The following ADGRL2 variants were observed in gnomAD, a reference collection of about 807,000 sequenced individuals.
ADGRL2 encodes the protein adhesion G protein-coupled receptor L2, also known as calcium-independent alpha-latrotoxin receptor 2.
ADGRL2 carries 44 observed loss-of-function variants against 157.4 expected under a neutral mutation model. The ratio of observed to expected loss-of-function variants is 0.28; its 90% CI spans 0.22 to 0.36. The LOEUF (loss-of-function observed/expected upper bound fraction) is 0.36. Among genes scored for constraint, ADGRL2 ranks in the 10% least tolerant of loss-of-function variants. The pLI is 1.00. For synonymous variants in ADGRL2, 585 were observed against 624.7 expected (o/e 0.94, Z 0.95); for missense variants, 1,510 against 1,768.9 (o/e 0.85, Z 2.63).
intron 9 of ADGRL2, among the ~76,000 whole-genome samples, chr1:81,952,612 A>G (rs921535882): frequency 6.8e-4 from 103 of 152,158 alleles, no homozygotes; most frequent in African/African-American, 2.4e-3. Context: ...TATCAGTGCC[A>G]TTAATTTTTC....
intron 2 of ADGRL2, among the ~76,000 whole-genome samples, chr1:81,782,138 C>A (rs1351060383): frequency 6.6e-6 from 1 of 152,168 alleles, no homozygotes; most frequent in Non-Finnish European, 1.5e-5. Flanking sequence ...AGATGCTGGT[C>A]ATAAACTACC....
At chr1:81,515,276 T>A (rs1416437286) in intron 2 of ADGRL2, 1 of 152,122 alleles carries the variant, frequency 6.6e-6, no homozygotes, top group African/African-American at 2.4e-5. Context: ...TATAAAAGAA[T>A]CTGTATTTGT....
At chr1:81,594,027 T>C in intron 3 of ADGRL2, among the ~76,000 whole-genome samples, 1 of 152,328 alleles carries the variant, frequency 6.6e-6, no homozygotes, top group African/African-American at 2.4e-5. Context: ...AAGAATATTG[T>C]TTATTATATG....
chr1:81,483,678 T>C (rs1347731924), intron 2 of ADGRL2, among the ~76,000 whole-genome samples: 1 of 152,198 alleles, frequency 6.6e-6, no homozygotes, highest in Admixed American at 6.5e-5. Flanking sequence ...ATAGCATGAT[T>C]AGATTATAAA....
chr1:81,656,994 A>G (rs1158046939), intron 3 of ADGRL2, among the ~76,000 whole-genome samples: 1 of 134,274 alleles, frequency 7.4e-6, no homozygotes, highest in Non-Finnish European at 1.6e-5. Flanking sequence ...TAGGTGATGG[A>G]GTGAGACCCT....
intron 2 of ADGRL2, among the ~76,000 whole-genome samples, chr1:81,772,955 A>G (rs1272911397): frequency 6.6e-6 from 1 of 152,118 alleles, no homozygotes; most frequent in Admixed American, 6.6e-5. Flanking sequence ...TGTGTAGCAC[A>G]TTTTTGCCCA....
intron 1 of ADGRL2, among the ~76,000 whole-genome samples, chr1:81,364,196 C>T (rs980741130): frequency 1.4e-5 from 2 of 140,688 alleles, no homozygotes; most frequent in Non-Finnish European, 3.1e-5. Context: ...AAGGTTGAGC[C>T]TTGAAAGTTT....
intron 1 of ADGRL2, among the ~76,000 whole-genome samples, chr1:81,384,495 T>A (rs1183674425): frequency 6.6e-6 from 1 of 152,192 alleles, no homozygotes. Flanking sequence ...TTTCTACTTT[T>A]CTCTTTGTGC....
At chr1:81,904,485 T>C (rs753956274) in intron 2 of ADGRL2, among the ~76,000 whole-genome samples, 1 of 152,094 alleles carries the variant, frequency 6.6e-6, no homozygotes, top group African/African-American at 2.4e-5. Context: ...GGTTCTGGGG[T>C]TCTGGGGTCG....
intron 6 of ADGRL2, among the ~76,000 whole-genome samples, chr1:81,949,760 T>A (rs148865709): frequency 6.6e-6 from 1 of 152,306 alleles, no homozygotes; most frequent in East Asian, 1.9e-4. Context: ...ATCATCCTAA[T>A]TACATATAAT....
intron 1 of ADGRL2, among the ~76,000 whole-genome samples, chr1:81,725,899 C>T (rs2084510046): frequency 1.3e-5 from 2 of 151,798 alleles, no homozygotes; most frequent in Non-Finnish European, 1.5e-5. Context: ...GGGAGAATTG[C>T]TTGAACCTGG....
intron 2 of ADGRL2, among the ~76,000 whole-genome samples, chr1:81,453,161 G>GT (rs2077733545): frequency 6.6e-6 from 1 of 152,122 alleles, no homozygotes; most frequent in African/African-American, 2.4e-5. Flanking sequence ...TACATTGGGG[G>GT]AAAAAATCTG....
At chr1:81,758,504 T>C (rs1266468570) in intron 1 of ADGRL2, among the ~76,000 whole-genome samples, 1 of 152,130 alleles carries the variant, frequency 6.6e-6, no homozygotes, top group Admixed American at 6.6e-5. Flanking sequence ...TTCTCCAGAG[T>C]AGGATTTGCC....
At chr1:81,585,439 G>A (rs2081006362) in intron 3 of ADGRL2, among the ~76,000 whole-genome samples, 1 of 152,080 alleles carries the variant, frequency 6.6e-6, no homozygotes, top group African/African-American at 2.4e-5. Context: ...AAACAGGAAG[G>A]GTGGGGACAG....
chr1:81,503,226 G>A lies in ADGRL2; in HGVS notation c.-248+58137G>A, dbSNP rs927868109. 5.6e-6 allele frequency: 9 copies of A among 1,614,172 alleles called. No homozygotes were observed. In the Admixed American group the frequency reaches 1.5e-4, roughly 27 times the overall value. On this transcript the variant is annotated intron_variant, in intron 2 of 24. Transcript: ENST00000370721. ...GCAGGGAAGACAGAGCAGAGGCCTC[G>A]GCTGCAGCACTGAACCTGACCACGA...
intron 1 of ADGRL2, among the ~76,000 whole-genome samples, chr1:81,441,592 T>C (rs2077508286): frequency 6.6e-6 from 1 of 152,112 alleles, no homozygotes; most frequent in Admixed American, 6.5e-5. Context: ...TGTTGCAATC[T>C]TGGCTCACTG....
intron 2 of ADGRL2, among the ~76,000 whole-genome samples, chr1:81,540,318 T>C (rs1162949689): frequency 6.6e-6 from 1 of 152,208 alleles, no homozygotes; most frequent in East Asian, 1.9e-4. Flanking sequence ...AAATTTACTT[T>C]AGATTTTTGT....
At chr1:81,482,566 T>C (rs1372629567) in intron 2 of ADGRL2, among the ~76,000 whole-genome samples, 2 of 152,198 alleles carry the variant, frequency 1.3e-5, no homozygotes, top group East Asian at 3.8e-4. Context: ...ATAAATATCT[T>C]GTAAGAACTC....
At chr1:81,633,943 T>C (rs1212059069) in intron 3 of ADGRL2, among the ~76,000 whole-genome samples, 2 of 152,150 alleles carry the variant, frequency 1.3e-5, no homozygotes, top group African/African-American at 2.4e-5. Context: ...GGGCTAGAGA[T>C]ATCATTTGAA....
Sources: gnomAD v4.1 joint callset for allele counts (sites outside exome capture counted in the v4.1 genomes callset) on GRCh38, gnomAD v4.1.1 for gene constraint, MANE v1.5 for transcripts, NCBI Gene and HGNC (gene_info 2026-07-23, HGNC 2026-07-21) for gene names.